SERTM1: variants seen among roughly 807,000 people sequenced by gnomAD.
The protein encoded by SERTM1 is serine rich and transmembrane domain containing 1.
Under a neutral mutation model 5.5 loss-of-function variants are expected in SERTM1, and 1 was observed. The ratio of observed to expected loss-of-function variants is 0.18; its 90% CI spans 0.06 to 0.86. The LOEUF is 0.86. Among genes scored for constraint, SERTM1 ranks in the 40% least tolerant of loss-of-function variants. The probability of loss-of-function intolerance (pLI) is 0.69; values close to 1 mark genes in which losing one functional copy is unlikely to be tolerated. For synonymous variants in SERTM1, 52 were observed against 55.1 expected (o/e 0.94, Z 0.25); for missense variants, 91 against 122.4 (o/e 0.74, Z 1.21).
At chr13:36,684,687 C>T (rs564868958) in intron 1 of SERTM1, among the ~76,000 whole-genome samples, 7 of 151,578 alleles carry the variant, frequency 4.6e-5, no homozygotes, top group Non-Finnish European at 8.8e-5. Context: ...ACCATTGAAA[C>T]GAAAGAGAAC....
chr13:36,678,363 G>C (rs2056682303), intron 1 of SERTM1, among the ~76,000 whole-genome samples: 2 of 150,666 alleles, frequency 1.3e-5, no homozygotes, highest in Admixed American at 6.6e-5. Flanking sequence ...AGCAGTAGTA[G>C]TTGTTGTTTT....
At chr13:36,675,528 A>G (rs1213685703) in intron 1 of SERTM1, among the ~76,000 whole-genome samples, 1 of 152,172 alleles carries the variant, frequency 6.6e-6, no homozygotes, top group Non-Finnish European at 1.5e-5. Context: ...AAAAAACAAT[A>G]TTTAATTTGC....
intron 1 of SERTM1, among the ~76,000 whole-genome samples, chr13:36,687,350 A>G (rs746507315): frequency 2.0e-5 from 3 of 152,224 alleles, no homozygotes; most frequent in Non-Finnish European, 4.4e-5. Context: ...AAACAAATAC[A>G]TGATTACGGT....
intron 1 of SERTM1, among the ~76,000 whole-genome samples, chr13:36,690,795 A>G (rs2056772987): frequency 6.6e-6 from 1 of 152,176 alleles, no homozygotes; most frequent in African/African-American, 2.4e-5. Context: ...TACTGGAAAA[A>G]GCTTTTTATT....
intron 1 of SERTM1, among the ~76,000 whole-genome samples, chr13:36,679,267 C>A (rs1422652789): frequency 6.6e-6 from 1 of 152,226 alleles, no homozygotes; most frequent in Non-Finnish European, 1.5e-5. Context: ...GTACCCTTTT[C>A]ATCAAAAGGC....
intron 1 of SERTM1, among the ~76,000 whole-genome samples, chr13:36,680,053 G>A (rs1416573080): frequency 2.0e-5 from 3 of 152,178 alleles, no homozygotes; most frequent in Non-Finnish European, 1.5e-5. Flanking sequence ...GATATCTCAT[G>A]TATATTCAAA....
rs926699730 is a variant in SERTM1 at position 36,695,579 on chromosome 13, C to T, written c.*177C>T. The T allele has an allele frequency of 1.9e-5, 12 of 623,826 alleles. No homozygotes were observed. Among genetic ancestry groups the T allele is most frequent in the African/African-American group, 5.6e-5 (3 of 53,968 alleles). 38.6% of individuals were successfully genotyped at this position (623,826 alleles called of 1,614,324 possible). ...GCTTTTCATTTGGGGATGGAGACAC[C>T]GATGTTGGTGGAAATGTGTGCAAAC... On this transcript the variant is annotated 3_prime_UTR_variant, in exon 2 of 2. Coordinates refer to ENST00000315190, the MANE Select transcript of SERTM1 (RefSeq NM_203451.3).
In SERTM1 at chr13:36,694,906, T is replaced by A. The variant is rs9531978; in HGVS notation, c.-173T>A. On this transcript the variant is annotated splice_region_variant and 5_prime_UTR_variant, in exon 2 of 2. Transcript: ENST00000315190. ...GCACTGACTTGCTTTTTTTTTTCAG[T>A]CTCAATGCACATCTGATACCTGCTG... The A allele has an allele frequency of 0.012, 6,531 of 560,526 alleles. 53 individuals carry two copies. Among genetic ancestry groups the A allele is most frequent in the Non-Finnish European group, 0.015 (4,888 of 319,112 alleles). 34.7% of individuals were successfully genotyped at this position (560,526 alleles called of 1,614,324 possible).
At chr13:36,683,202 C>T (rs2056717253) in intron 1 of SERTM1, among the ~76,000 whole-genome samples, 1 of 152,288 alleles carries the variant, frequency 6.6e-6, no homozygotes, top group South Asian at 2.1e-4. Context: ...AGTAGCAGCT[C>T]ATCATATTTG....
At chr13:36,678,440 A>C in intron 1 of SERTM1, among the ~76,000 whole-genome samples, 1 of 151,786 alleles carries the variant, frequency 6.6e-6, no homozygotes, top group Admixed American at 6.6e-5. Context: ...ATAGATGTTC[A>C]GCATCTTTTC....
chr13:36,694,836 A>G, intron 1 of SERTM1, 70 bp from the exon 2 acceptor site: 1 of 517,860 alleles, frequency 1.9e-6, no homozygotes, highest in Non-Finnish European at 3.4e-6. Flanking sequence ...TCCTTACTGA[A>G]ATAAAACCTA....
Position 36,687,820 on chromosome 13 carries a change from G to T in SERTM1, c.-173-7086G>T, listed in dbSNP as rs546059143. 5.9e-5 allele frequency among the ~76,000 whole-genome samples: 9 copies of T among 152,124 alleles called. 1 individual carries two copies. In the East Asian group the frequency reaches 1.7e-3, roughly 29 times the overall value. On this transcript the variant is annotated intron_variant, in intron 1 of 1. Transcript: ENST00000315190. ...TACAGGAACAGAGACCAACAAAAAGGTTCTCATTAAACTCGTTAGCCTGGA... is the reference window on the plus strand; with the variant it reads ...TACAGGAACAGAGACCAACAAAAAGTTTCTCATTAAACTCGTTAGCCTGGA...
chr13:36,686,663 G>T (rs2056743479), intron 1 of SERTM1, among the ~76,000 whole-genome samples: 1 of 152,148 alleles, frequency 6.6e-6, no homozygotes, highest in Admixed American at 6.6e-5. Flanking sequence ...CATTTCCTAA[G>T]AGCAAGAACA....
intron 1 of SERTM1, among the ~76,000 whole-genome samples, chr13:36,676,407 G>A (rs2056670227): frequency 6.6e-6 from 1 of 151,144 alleles, no homozygotes; most frequent in Admixed American, 6.6e-5. Context: ...ACATTTTTGG[G>A]GGGTCCTTTT....
At chr13:36,692,612 AT>A in intron 1 of SERTM1, among the ~76,000 whole-genome samples, 1 of 152,154 alleles carries the variant, frequency 6.6e-6, no homozygotes, top group African/African-American at 2.4e-5. Flanking sequence ...GCCTTTTATG[AT>A]TTTCTAAGTA....
At chr13:36,690,127 A>G (rs1393986022) in intron 1 of SERTM1, among the ~76,000 whole-genome samples, 1 of 152,222 alleles carries the variant, frequency 6.6e-6, no homozygotes, top group African/African-American at 2.4e-5. Context: ...TTTGTCTCAC[A>G]TCACCCAATG....
chr13:36,688,450 C>T (rs1042049518), intron 1 of SERTM1, among the ~76,000 whole-genome samples: 8 of 152,046 alleles, frequency 5.3e-5, no homozygotes, highest in African/African-American at 1.2e-4. Context: ...TGGGCTCAAG[C>T]GATCCTCCTG....
chr13:36,683,069 G>A (rs1227130210), intron 1 of SERTM1, among the ~76,000 whole-genome samples: 1 of 151,960 alleles, frequency 6.6e-6, no homozygotes, highest in Non-Finnish European at 1.5e-5. Context: ...ACCCTTGTAC[G>A]ATGAGTTTTT....
At chr13:36,687,823 C>G (rs2056752088) in intron 1 of SERTM1, among the ~76,000 whole-genome samples, 1 of 152,144 alleles carries the variant, frequency 6.6e-6, no homozygotes, top group Admixed American at 6.5e-5. Context: ...CAAAAAGGTT[C>G]TCATTAAACT....
Sources: allele counts gnomAD v4.1 joint callset (sites outside exome capture counted in the v4.1 genomes callset), GRCh38; gene constraint gnomAD v4.1.1; transcripts MANE v1.5; gene names NCBI Gene and HGNC (gene_info 2026-07-23, HGNC 2026-07-21).